Variants in MAGI2 observed in about 807,000 individuals in gnomAD.
MAGI2 encodes the protein membrane associated guanylate kinase, WW and PDZ domain containing 2.
A neutral mutation model predicts 133.3 loss-of-function variants in MAGI2; 35 were observed. The ratio of observed to expected loss-of-function variants is 0.26; its 90% CI spans 0.20 to 0.35. The LOEUF is 0.35. Ranked by LOEUF, MAGI2 falls within the 10% of genes least tolerant of loss-of-function variation. The pLI, the probability that MAGI2 is intolerant of heterozygous loss-of-function variation, is 1.00. For missense variants in MAGI2, 1,636 were observed against 1,863.4 expected (o/e 0.88, Z 2.25); for synonymous variants, 729 against 710.6 (o/e 1.03, Z -0.41).
At chr7:78,214,897 C>T (rs983752225) in intron 10 of MAGI2, among the ~76,000 whole-genome samples, 1 of 152,064 alleles carries the variant, frequency 6.6e-6, no homozygotes, top group Admixed American at 6.6e-5. Context: ...TTTTCGTATC[C>T]CCAGGTTCTC....
intron 1 of MAGI2, among the ~76,000 whole-genome samples, chr7:79,069,119 T>C (rs1814686292): frequency 6.6e-6 from 1 of 152,182 alleles, no homozygotes; most frequent in Admixed American, 6.5e-5. Context: ...TTAGGTCTGC[T>C]TGATCCAGAG....
chr7:78,558,269 C>T (rs1800029713), intron 3 of MAGI2, among the ~76,000 whole-genome samples: 1 of 151,968 alleles, frequency 6.6e-6, no homozygotes, highest in Admixed American at 6.6e-5. Context: ...TAAAAAGAAA[C>T]GTGGGTCTTC....
chr7:78,970,202 A>G (rs1312885514), intron 2 of MAGI2, among the ~76,000 whole-genome samples: 1 of 152,124 alleles, frequency 6.6e-6, no homozygotes, highest in Non-Finnish European at 1.5e-5. Context: ...TGACCTACAC[A>G]TATATGAGGG....
At chr7:78,882,095 A>AAAG (rs1795907530) in intron 2 of MAGI2, among the ~76,000 whole-genome samples, 1 of 123,120 alleles carries the variant, frequency 8.1e-6, no homozygotes, top group Non-Finnish European at 1.8e-5. Context: ...ACAAAAAAAA[A>AAAG]AAAAAAAAAA....
At chr7:79,039,734 C>G (rs1481630139) in intron 1 of MAGI2, among the ~76,000 whole-genome samples, 3 of 151,170 alleles carry the variant, frequency 2.0e-5, no homozygotes, top group Admixed American at 1.3e-4. Flanking sequence ...GTAATCCGAG[C>G]ACTTTGGGAG....
intron 2 of MAGI2, among the ~76,000 whole-genome samples, chr7:78,661,450 G>A (rs1812949165): frequency 6.6e-6 from 1 of 152,176 alleles, no homozygotes; most frequent in Non-Finnish European, 1.5e-5. Flanking sequence ...GAAGTCAGCA[G>A]CTCTTAATGT....
At chr7:79,243,601 C>CTTTTT (rs1314273909) in intron 1 of MAGI2, among the ~76,000 whole-genome samples, 22 of 152,076 alleles carry the variant, frequency 1.4e-4, no homozygotes, top group South Asian at 8.3e-4. Flanking sequence ...AATTTTAAAT[C>CTTTTT]TGAGAGAATG....
In MAGI2 at chr7:79,007,070, A is replaced by C. The variant is rs1433063797; in HGVS notation, c.418+20T>G. 1 of 1,476,186 alleles carries C rather than the reference A, an allele frequency of 6.8e-7. No individual in the cohort carries two copies. Among genetic ancestry groups the C allele is most frequent in the Non-Finnish European group, 9.3e-7 (1 of 1,078,054 alleles). The allele number at this position is 1,476,186 out of a possible 1,614,324, so 91.4% of individuals were successfully genotyped here. ...TTTATCTCTCAACATAAAAATATTA[A>C]TACTGCCCATTGTACTCACATGGCA... is the stretch of plus-strand genomic sequence containing the variant. On this transcript the variant is annotated intron_variant, in intron 2 of 21. Transcript: ENST00000354212.
intron 1 of MAGI2, among the ~76,000 whole-genome samples, chr7:79,140,750 T>G (rs1822049825): frequency 6.6e-6 from 1 of 152,176 alleles, no homozygotes; most frequent in African/African-American, 2.4e-5. Flanking sequence ...GGCTTTGATC[T>G]ATTTGGTATA....
At chr7:79,079,436 G>C (rs1284494977) in intron 1 of MAGI2, among the ~76,000 whole-genome samples, 1 of 152,118 alleles carries the variant, frequency 6.6e-6, no homozygotes, top group Non-Finnish European at 1.5e-5. Flanking sequence ...TGGTCTAATT[G>C]CTACACATGT....
chr7:78,558,895 A>C (rs1800102802), intron 3 of MAGI2, among the ~76,000 whole-genome samples: 2 of 145,310 alleles, frequency 1.4e-5, no homozygotes, highest in Non-Finnish European at 3.0e-5. Context: ...GGATGACTTT[A>C]AAGTGCCATT....
chr7:78,872,844 A>T (rs1795141740), intron 2 of MAGI2, among the ~76,000 whole-genome samples: 2 of 152,172 alleles, frequency 1.3e-5, no homozygotes, highest in South Asian at 2.1e-4. Flanking sequence ...CCATATATGA[A>T]ATATAATGAA....
chr7:78,040,646 C>T (rs1195438724), intron 21 of MAGI2, among the ~76,000 whole-genome samples: 1 of 152,138 alleles, frequency 6.6e-6, no homozygotes, highest in Non-Finnish European at 1.5e-5. Flanking sequence ...GAACCGCACC[C>T]GGGGCAGGTC....
intron 10 of MAGI2, among the ~76,000 whole-genome samples, chr7:78,221,006 C>T (rs879828357): frequency 3.3e-5 from 5 of 152,176 alleles, no homozygotes; most frequent in Non-Finnish European, 7.4e-5. Flanking sequence ...GGCTACCGTA[C>T]CTGTACTGAG....
intron 2 of MAGI2, among the ~76,000 whole-genome samples, chr7:78,634,137 GA>G (rs1809370374): frequency 6.6e-6 from 1 of 152,112 alleles, no homozygotes. Context: ...GTTTGAGTAT[GA>G]AAAAAACATG....
At chr7:78,964,233 C>T (rs1275619177) in intron 2 of MAGI2, among the ~76,000 whole-genome samples, 8 of 151,530 alleles carry the variant, frequency 5.3e-5, no homozygotes, top group Non-Finnish European at 7.4e-5. Flanking sequence ...ATCCTGCTAA[C>T]ATTATAGTTT....
At chr7:79,444,119 C>T (rs954851671) in intron 1 of MAGI2, among the ~76,000 whole-genome samples, 1 of 152,162 alleles carries the variant, frequency 6.6e-6, no homozygotes, top group Non-Finnish European at 1.5e-5. Flanking sequence ...AACAACGCTT[C>T]ATGCTAAAAA....
At chr7:79,368,024 A>AC (rs1842833653) in intron 1 of MAGI2, among the ~76,000 whole-genome samples, 1 of 151,656 alleles carries the variant, frequency 6.6e-6, no homozygotes, top group South Asian at 2.1e-4. Context: ...TGAACTGGCC[A>AC]CCAGGTTTGA....
chr7:78,314,835 T>C (rs778059226), intron 9 of MAGI2, among the ~76,000 whole-genome samples: 18 of 152,214 alleles, frequency 1.2e-4, no homozygotes, highest in Non-Finnish European at 2.2e-4. Flanking sequence ...CATACCTTTG[T>C]TGGCACTTGT....
Sources: allele counts gnomAD v4.1 joint callset (sites outside exome capture counted in the v4.1 genomes callset), GRCh38; gene constraint gnomAD v4.1.1; transcripts MANE v1.5; gene names NCBI Gene and HGNC (gene_info 2026-07-23, HGNC 2026-07-21).